Variants in ALCAM observed in about 807,000 individuals in gnomAD.
The protein encoded by ALCAM is activated leukocyte cell adhesion molecule, also known as CD166 antigen.
In ALCAM, 30 loss-of-function variants were observed where a neutral mutation model predicts 70.9. The observed-to-expected ratio is 0.42, with a 90% CI of 0.32 to 0.57. ALCAM has a LOEUF of 0.57. Among genes scored for constraint, ALCAM ranks in the 20% least tolerant of loss-of-function variants. The pLI is 0.11. For synonymous variants in ALCAM, 249 were observed against 242.5 expected (o/e 1.03, Z -0.25); for missense variants, 591 against 695.1 (o/e 0.85, Z 1.68).
intron 1 of ALCAM, among the ~76,000 whole-genome samples, chr3:105,421,243 G>T (rs1559785929): frequency 6.6e-6 from 1 of 151,292 alleles, no homozygotes; most frequent in South Asian, 2.1e-4. Context: ...ACCACCAATT[G>T]TCTGTCTGAT....
intron 1 of ALCAM, among the ~76,000 whole-genome samples, chr3:105,372,219 T>C (rs1259799021): frequency 6.6e-6 from 1 of 152,116 alleles, no homozygotes; most frequent in Non-Finnish European, 1.5e-5. Context: ...TTGCAGGCTG[T>C]TTGGTAAGGT....
chr3:105,477,308 A>G, intron 1 of ALCAM, among the ~76,000 whole-genome samples: 1 of 152,122 alleles, frequency 6.6e-6, no homozygotes, highest in East Asian at 1.9e-4. Flanking sequence ...AGTTTGAAGA[A>G]CTAACTTTAG....
chr3:105,415,460 AT>A (rs1936484685), intron 1 of ALCAM, among the ~76,000 whole-genome samples: 1 of 152,218 alleles, frequency 6.6e-6, no homozygotes, highest in African/African-American at 2.4e-5. Flanking sequence ...GGAAATAAAC[AT>A]TTCTGTCCAC....
In ALCAM at chr3:105,432,913, A is replaced by T. The variant is rs117523486; in HGVS notation, c.73+65432A>T. Among the ~76,000 whole-genome samples, 178 of 152,258 alleles carry T rather than the reference A, an allele frequency of 1.2e-3. 5 individuals are homozygous for T. In the East Asian group the frequency reaches 0.031, roughly 27 times the overall value. On this transcript the variant is annotated intron_variant, in intron 1 of 15. Transcript: ENST00000306107. ...ATCATATTCTGTGAAACGTAACAGGAGCATATATTAACCAGCTTCATATAA... is the reference window on the plus strand; with the variant it reads ...ATCATATTCTGTGAAACGTAACAGGTGCATATATTAACCAGCTTCATATAA...
At chr3:105,524,687 G>A (rs1177358401) in intron 3 of ALCAM, 179 bp downstream of exon 3, 1 of 1,328,192 alleles carries the variant, frequency 7.5e-7, no homozygotes, top group Admixed American at 3.3e-5. Flanking sequence ...CAAAGAGTAT[G>A]AAATTCAAAT....
intron 11 of ALCAM, 141 bp from the exon 12 acceptor site, chr3:105,549,986 G>A (rs1940353098): frequency 3.4e-6 from 2 of 589,958 alleles, no homozygotes; most frequent in African/African-American, 3.8e-5. Flanking sequence ...CATGGGTCTT[G>A]ATCTATGATC....
rs746416911 is a variant in ALCAM at position 105,524,344 on chromosome 3, G to C, written c.230G>C (p.Ser77Thr). The change falls in exon 3 of 16, where the codon AGT becomes ACT. Residue 77 changes from serine (S) to threonine (T), a missense_variant. Coordinates refer to ENST00000306107, the MANE Select transcript of ALCAM (RefSeq NM_001627.4). ...FIAFRSSTKK[S>T]VQYDDVPEYK... The stretch of plus-strand genomic sequence containing the variant: ...GCCTTCAGATCCTCTACAAAGAAAA[G>C]TGTGCAGTACGACGATGTACCAGAA... 1 of 1,614,140 alleles carries C rather than the reference G, an allele frequency of 6.2e-7. No individual in the cohort carries two copies. The highest frequency in any genetic ancestry group is 8.5e-7 in the Non-Finnish European group (1 of 1,180,008).
At chr3:105,523,139 C>CAAAAAAAA (rs59478384) in intron 2 of ALCAM, among the ~76,000 whole-genome samples, 13 of 87,014 alleles carry the variant, frequency 1.5e-4, no homozygotes, top group African/African-American at 3.9e-4. Context: ...GACTCCGTCT[C>CAAAAAAAA]AAAAAAAAAA....
intron 1 of ALCAM, among the ~76,000 whole-genome samples, chr3:105,474,343 T>TA (rs1938033038): frequency 6.6e-6 from 1 of 151,750 alleles, no homozygotes; most frequent in African/African-American, 2.4e-5. Flanking sequence ...TGTTTGTGTA[T>TA]ATGGTCTGAC....
intron 9 of ALCAM, among the ~76,000 whole-genome samples, 187 bp from the exon 10 acceptor site, chr3:105,546,962 T>G (rs1226276002): frequency 5.3e-5 from 8 of 151,488 alleles, no homozygotes; most frequent in Non-Finnish European, 1.2e-4. Context: ...AATAAAAATC[T>G]GACATGTCTG....
intron 1 of ALCAM, among the ~76,000 whole-genome samples, chr3:105,446,610 TACACACACACACACACAC>T (rs59828133): frequency 1.4e-5 from 2 of 144,122 alleles, no homozygotes; most frequent in African/African-American, 5.2e-5. Flanking sequence ...AAATTTGGTG[TACACACACACACACACAC>T]ACACACACAC....
At chr3:105,532,199 A>C in intron 4 of ALCAM, 133 bp downstream of exon 4, 1 of 749,392 alleles carries the variant, frequency 1.3e-6, no homozygotes, top group Non-Finnish European at 2.3e-6. Flanking sequence ...CCAATCAGAA[A>C]TTATCTACAA....
chr3:105,400,178 T>C (rs1317626732), intron 1 of ALCAM, among the ~76,000 whole-genome samples: 1 of 152,188 alleles, frequency 6.6e-6, no homozygotes, highest in Non-Finnish European at 1.5e-5. Flanking sequence ...GAAAAGCAGA[T>C]AGCCCTTGTT....
intron 1 of ALCAM, among the ~76,000 whole-genome samples, chr3:105,416,477 C>T (rs935971365): frequency 1.5e-4 from 23 of 151,876 alleles, no homozygotes; most frequent in Non-Finnish European, 2.6e-4. Context: ...TAAAATCACA[C>T]CATAAATAAT....
intron 1 of ALCAM, among the ~76,000 whole-genome samples, chr3:105,485,848 T>G (rs984866944): frequency 6.6e-6 from 1 of 151,980 alleles, no homozygotes; most frequent in Non-Finnish European, 1.5e-5. Flanking sequence ...TTTATATGAA[T>G]GAAAATAATG....
At chr3:105,571,814 TG>T in intron 14 of ALCAM, 37 bp from the exon 15 acceptor site, 1 of 1,367,630 alleles carries the variant, frequency 7.3e-7, no homozygotes, top group Non-Finnish European at 1.0e-6. Flanking sequence ...TGAACATGTA[TG>T]TGTCAATATG....
intron 1 of ALCAM, among the ~76,000 whole-genome samples, chr3:105,478,704 C>G (rs1938188075): frequency 6.6e-6 from 1 of 151,964 alleles, no homozygotes; most frequent in African/African-American, 2.4e-5. Context: ...CTAGTCATTA[C>G]TAAAGGTAAA....
chr3:105,448,971 T>A (rs985132409), intron 1 of ALCAM, among the ~76,000 whole-genome samples: 19 of 152,060 alleles, frequency 1.2e-4, no homozygotes, highest in Non-Finnish European at 5.9e-5. Flanking sequence ...TTAGGCTCTT[T>A]GAATTTATCT....
intron 1 of ALCAM, among the ~76,000 whole-genome samples, chr3:105,503,064 G>A (rs139160573): frequency 3.3e-4 from 51 of 152,328 alleles, no homozygotes; most frequent in African/African-American, 1.2e-3. Context: ...CTTTAGGAGA[G>A]TTTAAGTTCC....
Sources: allele counts gnomAD v4.1 joint callset (sites outside exome capture counted in the v4.1 genomes callset), GRCh38; gene constraint gnomAD v4.1.1; transcripts MANE v1.5; gene names NCBI Gene and HGNC (gene_info 2026-07-23, HGNC 2026-07-21).